SH2D4A: variants seen among roughly 807,000 people sequenced by gnomAD.
SH2D4A encodes SH2 domain-containing protein 4A.
SH2D4A carries 70 observed loss-of-function variants against 64.7 expected under a neutral mutation model. That is an observed-to-expected ratio of 1.08 (90% CI 0.89 to 1.32). The LOEUF (loss-of-function observed/expected upper bound fraction) is 1.32, where lower values mean the gene tolerates loss of function less well. SH2D4A is among the 40% of genes most tolerant of loss of function. The pLI, the probability that SH2D4A is intolerant of heterozygous loss-of-function variation, is 0.00. For missense variants in SH2D4A, 706 were observed against 540.1 expected (o/e 1.31, Z -3.04); for synonymous variants, 268 against 200.7 (o/e 1.34, Z -2.83).
At chr8:19,324,584 G>T (rs550022491) in intron 2 of SH2D4A, among the ~76,000 whole-genome samples, 4 of 152,222 alleles carry the variant, frequency 2.6e-5, no homozygotes, top group South Asian at 2.1e-4. Context: ...GCCTCTTGGT[G>T]TCTCTCTCTT....
intron 8 of SH2D4A, among the ~76,000 whole-genome samples, chr8:19,378,077 G>A (rs1267367366): frequency 6.6e-6 from 1 of 152,138 alleles, no homozygotes; most frequent in Non-Finnish European, 1.5e-5. Context: ...GGCTGGATGA[G>A]TAGGTCTTCT....
In SH2D4A at chr8:19,394,646, C is replaced by G; in HGVS notation, c.*4C>G. On this transcript the variant is annotated 3_prime_UTR_variant, in exon 10 of 10. Coordinates refer to ENST00000265807, the MANE Select transcript of SH2D4A (RefSeq NM_022071.4). ...CTACCTGGAGCTGTTTGAGTGACAG[C>G]CTCCATCAGGGTCATCCTACAGCCT... 24 of 1,602,764 alleles carry G rather than the reference C, an allele frequency of 1.5e-5. No homozygotes were observed. The highest frequency in any genetic ancestry group is 2.0e-5 in the Non-Finnish European group (24 of 1,172,636).
intron 2 of SH2D4A, among the ~76,000 whole-genome samples, chr8:19,327,121 T>C (rs1260634663): frequency 6.6e-6 from 1 of 152,230 alleles, no homozygotes; most frequent in Admixed American, 6.5e-5. Context: ...AGTGTGGATG[T>C]ATCTCTACTT....
intron 6 of SH2D4A, 31 bp from the exon 7 acceptor site, chr8:19,364,041 A>G (rs768287523): frequency 6.8e-6 from 11 of 1,610,302 alleles, no homozygotes; most frequent in Non-Finnish European, 8.5e-6. Context: ...TGGGCTGATG[A>G]GGGTTTTCTC....
chr8:19,391,385 T>C (rs910533020), intron 8 of SH2D4A, among the ~76,000 whole-genome samples: 3 of 152,276 alleles, frequency 2.0e-5, no homozygotes, highest in African/African-American at 7.2e-5. Context: ...CCTACGGTGT[T>C]CCATGGGTCT....
chr8:19,355,091 G>T (rs570746627), intron 4 of SH2D4A, among the ~76,000 whole-genome samples: 12 of 152,292 alleles, frequency 7.9e-5, no homozygotes, highest in African/African-American at 2.6e-4. Flanking sequence ...AAACCTACAG[G>T]ATTCATTAGT....
intron 4 of SH2D4A, among the ~76,000 whole-genome samples, chr8:19,340,737 C>T (rs1009203521): frequency 2.0e-5 from 3 of 151,504 alleles, no homozygotes; most frequent in Admixed American, 1.3e-4. Flanking sequence ...TCCTGAGTAG[C>T]TAGGACTACA....
rs898623430 is a variant in SH2D4A, at chr8:19,324,849, T to C, written c.181+5121T>C. 5.7e-4 allele frequency among the ~76,000 whole-genome samples: 86 copies of C among 152,106 alleles called. 2 individuals are homozygous for C. Among genetic ancestry groups the C allele is most frequent in the African/African-American group, 2.0e-3 (84 of 41,402 alleles). ...GACTCCCTGAAGCTCATTCATAGAC[T>C]CTCAGGGGTTCGCAGATCCTAGGGT... On this transcript the variant is annotated intron_variant, in intron 2 of 9. Coordinates refer to ENST00000265807, the MANE Select transcript of SH2D4A (RefSeq NM_022071.4).
At chr8:19,383,160 CCTT>C (rs2053327104) in intron 8 of SH2D4A, among the ~76,000 whole-genome samples, 3 of 147,522 alleles carry the variant, frequency 2.0e-5, no homozygotes, top group Middle Eastern at 3.4e-3. Flanking sequence ...GCCCCCTTCT[CCTT>C]CTGATAGTTC....
chr8:19,361,680 G>A (rs2052890981), intron 6 of SH2D4A, among the ~76,000 whole-genome samples: 1 of 152,198 alleles, frequency 6.6e-6, no homozygotes, highest in Non-Finnish European at 1.5e-5. Context: ...ATTTAGAAAT[G>A]TCTAAGTATC....
At chr8:19,383,583 A>G (rs973547470) in intron 8 of SH2D4A, among the ~76,000 whole-genome samples, 1 of 152,040 alleles carries the variant, frequency 6.6e-6, no homozygotes, top group Non-Finnish European at 1.5e-5. Flanking sequence ...TTTGAATGTA[A>G]TAATGCGGTA....
intron 4 of SH2D4A, among the ~76,000 whole-genome samples, chr8:19,348,075 G>T (rs143206940): frequency 2.8e-4 from 43 of 152,228 alleles, no homozygotes; most frequent in African/African-American, 1.0e-3. Flanking sequence ...AAACTATGGT[G>T]GTTTTCAGTT....
At chr8:19,360,633 A>G (rs1414602007) in intron 5 of SH2D4A, among the ~76,000 whole-genome samples, 1 of 152,084 alleles carries the variant, frequency 6.6e-6, no homozygotes, top group Non-Finnish European at 1.5e-5. Context: ...ATAATGATAT[A>G]TATTTCTTTT....
chr8:19,317,293 C>T (rs1164869919), intron 1 of SH2D4A, among the ~76,000 whole-genome samples: 3 of 135,272 alleles, frequency 2.2e-5, no homozygotes, highest in African/African-American at 8.4e-5. Flanking sequence ...GAAATCTTGA[C>T]AAGACATCCA....
chr8:19,317,510 CA>C lies in SH2D4A; in HGVS notation c.-204-1833del, dbSNP rs1191519122. ...CAGTCAGTAGGGATAGGTGTAGTTT[CA>C]TCAAGGGCCTGGCTTCACAATGAAC... On this transcript the variant is annotated intron_variant, in intron 1 of 9. Transcript: ENST00000265807. Among the ~76,000 whole-genome samples the C allele has an allele frequency of 2.7e-4, 4 of 14,738 alleles. No homozygotes were observed. The Admixed American group carries it at 3.3e-3, about 12-fold the overall frequency. 9.7% of individuals were successfully genotyped at this position (14,738 alleles called of 152,430 possible).
chr8:19,316,944 A>G (rs2052098862), intron 1 of SH2D4A, among the ~76,000 whole-genome samples: 2 of 152,222 alleles, frequency 1.3e-5, no homozygotes, highest in Admixed American at 6.5e-5. Context: ...GCCTGGTACA[A>G]GAAGTGTTAG....
intron 2 of SH2D4A, 43 bp downstream of exon 2, chr8:19,319,771 A>G (rs2052156376): frequency 6.7e-7 from 1 of 1,500,868 alleles, no homozygotes; most frequent in Admixed American, 2.4e-5. Context: ...TTGGTAGAAC[A>G]GCTCCTGGCT....
intron 9 of SH2D4A, among the ~76,000 whole-genome samples, chr8:19,394,186 C>A (rs1392914031): frequency 6.6e-6 from 1 of 152,084 alleles, no homozygotes; most frequent in East Asian, 1.9e-4. Flanking sequence ...TGACAGGAGG[C>A]AGAGCTCAGG....
At chr8:19,382,823 C>CTTTTTTTTTTTTT (rs1159245319) in intron 8 of SH2D4A, among the ~76,000 whole-genome samples, 23 of 64,630 alleles carry the variant, frequency 3.6e-4, no homozygotes, top group African/African-American at 6.4e-4. Flanking sequence ...TTTTAAGATT[C>CTTTTTTTTTTTTT]TTTTTTTTTT....
Sources: allele counts gnomAD v4.1 joint callset (sites outside exome capture counted in the v4.1 genomes callset), GRCh38; gene constraint gnomAD v4.1.1; transcripts MANE v1.5; gene names NCBI Gene and HGNC (gene_info 2026-07-23, HGNC 2026-07-21).